The following FBXO34 variants were observed in gnomAD, a reference collection of about 807,000 sequenced individuals.
FBXO34 encodes the protein F-box only protein 34.
A neutral mutation model predicts 24.5 loss-of-function variants in FBXO34; 12 were observed. That is an observed-to-expected ratio of 0.49 (90% CI 0.31 to 0.79). The LOEUF is 0.79. FBXO34 is among the 30% of genes least tolerant of loss of function. The pLI is 0.04. For synonymous variants in FBXO34, 320 were observed against 311.9 expected, an observed-to-expected ratio of 1.03 and a Z score of -0.27; for missense variants, 823 against 857.7, an observed-to-expected ratio of 0.96 and a Z score of 0.51.
At chr14:55,420,821 T>A in the FBXO34 span, among the ~76,000 whole-genome samples, 8 of 151,882 alleles carry the variant, frequency 5.3e-5, no homozygotes, top group East Asian at 1.2e-3. Context: ...GCACTTTGGG[T>A]GGCCGAGGCG....
chr14:55,336,627 A>C (rs1883784471), intron 1 of FBXO34, among the ~76,000 whole-genome samples: 1 of 152,180 alleles, frequency 6.6e-6, no homozygotes, highest in Non-Finnish European at 1.5e-5. Context: ...CCACTTAGCC[A>C]TCATGCAGCT....
At chr14:55,400,131 C>T in the FBXO34 span, among the ~76,000 whole-genome samples, 5 of 152,166 alleles carry the variant, frequency 3.3e-5, no homozygotes, top group Non-Finnish European at 5.9e-5. Flanking sequence ...AAACCACATG[C>T]GTGGGTCAGG....
the FBXO34 span, among the ~76,000 whole-genome samples, chr14:55,403,152 G>C: frequency 6.6e-6 from 1 of 151,132 alleles, no homozygotes; most frequent in Non-Finnish European, 1.5e-5. Context: ...GTGTTGTTTA[G>C]TTTCCTCATT....
intron 1 of FBXO34, among the ~76,000 whole-genome samples, chr14:55,348,879 AGGCTGCCATAT>A (rs1884246080): frequency 6.6e-6 from 1 of 151,414 alleles, no homozygotes; most frequent in African/African-American, 2.4e-5. Context: ...GTTACCACAG[AGGCTGCCATAT>A]GGCAGGTACC....
the FBXO34 span, chr14:55,385,885 T>C: frequency 1.9e-6 from 3 of 1,612,132 alleles, no homozygotes; most frequent in Non-Finnish European, 2.5e-6. Context: ...CTTCCTCGAT[T>C]GGAAAAATGA....
chr14:55,352,525 A>G lies in FBXO34; in HGVS notation c.2135A>G (p.Ter712=), dbSNP rs1420403525. ...AKGTEAEEEY[*] ...GGGACTGAAGCTGAAGAGGAATACTAAAGTCCATGTGAGAGGCAACAAAAG... is the reference window on the plus strand; with the variant it reads ...GGGACTGAAGCTGAAGAGGAATACTGAAGTCCATGTGAGAGGCAACAAAAG... Residue 712 remains the stop codon, a stop_retained_variant, in exon 2 of 2, where the codon TAA becomes TGA. Coordinates refer to ENST00000313833, the MANE Select transcript of FBXO34 (RefSeq NM_017943.4). The G allele has an allele frequency of 1.9e-6, 3 of 1,596,178 alleles. No homozygotes were observed. Among genetic ancestry groups the G allele is most frequent in the Admixed American group, 1.7e-5 (1 of 57,836 alleles).
intron 1 of FBXO34, among the ~76,000 whole-genome samples, chr14:55,335,014 CA>C (rs1404048044): frequency 6.6e-6 from 1 of 152,142 alleles, no homozygotes; most frequent in Non-Finnish European, 1.5e-5. Flanking sequence ...CTTGCCTTTT[CA>C]AACTGGGTTT....
At chr14:55,386,729 A>G in the FBXO34 span, among the ~76,000 whole-genome samples, 242 of 152,292 alleles carry the variant, frequency 1.6e-3, no homozygotes, top group African/African-American at 5.5e-3. Flanking sequence ...GAGGAGACAT[A>G]CACTCGTCCT....
the FBXO34 span, chr14:55,433,737 A>G: frequency 6.2e-7 from 1 of 1,611,734 alleles, no homozygotes; most frequent in East Asian, 2.2e-5. Flanking sequence ...CCCAGAAACC[A>G]AAAGAGAATT....
chr14:55,343,212 T>C (rs1263788458), intron 1 of FBXO34, among the ~76,000 whole-genome samples: 1 of 151,826 alleles, frequency 6.6e-6, no homozygotes, highest in Non-Finnish European at 1.5e-5. Context: ...GAAGGGGCCT[T>C]TGTATACTAT....
chr14:55,357,929 T>C (rs762031940), downstream of FBXO34, among the ~76,000 whole-genome samples: 1 of 152,232 alleles, frequency 6.6e-6, no homozygotes, highest in Non-Finnish European at 1.5e-5. Flanking sequence ...ATTGTATCTG[T>C]TCCCTCTCCA....
chr14:55,302,785 T>C (rs1252788894), intron 1 of FBXO34, among the ~76,000 whole-genome samples: 1 of 152,188 alleles, frequency 6.6e-6, no homozygotes, highest in Non-Finnish European at 1.5e-5. Flanking sequence ...TAGAGAAGAA[T>C]TGGTTAAAGA....
At chr14:55,316,702 G>A (rs1213683773) in intron 1 of FBXO34, among the ~76,000 whole-genome samples, 3 of 150,262 alleles carry the variant, frequency 2.0e-5, no homozygotes, top group African/African-American at 7.4e-5. Flanking sequence ...ACTACAGCCT[G>A]GGCAACAGAG....
the FBXO34 span, among the ~76,000 whole-genome samples, chr14:55,393,397 A>G: frequency 5.3e-5 from 8 of 151,462 alleles, no homozygotes; most frequent in African/African-American, 1.9e-4. Flanking sequence ...AAAAAAGAGG[A>G]AAAAAAAAGA....
At chr14:55,360,770 G>A (rs1173065295) in intron 3 of FBXO34, among the ~76,000 whole-genome samples, 2 of 152,076 alleles carry the variant, frequency 1.3e-5, no homozygotes, top group Non-Finnish European at 2.9e-5. Flanking sequence ...GGCCTAGGCG[G>A]GCGGATCACC....
In FBXO34 at chr14:55,352,504, C is replaced by G; in HGVS notation, c.2114C>G (p.Thr705Ser). The G allele has an allele frequency of 6.2e-7, 1 of 1,607,294 alleles. No individual in the cohort carries two copies. The highest frequency in any genetic ancestry group is 8.5e-7 in the Non-Finnish European group (1 of 1,176,994). Residue 705 changes from threonine (T) to serine (S), a missense_variant, in exon 2 of 2, where the codon ACT becomes AGT. By Grantham distance (58) the Thr-to-Ser change is moderately conservative. This residue lies in a region of FBXO34 where 130 missense variants were observed against 198.6 expected (regional missense o/e 0.65). Transcript: ENST00000313833. ...NRAIHKKAKGTEAEEEY is the reference protein window; with the variant it reads ...NRAIHKKAKGSEAEEEY ...GCAATCCATAAGAAAGCAAAAGGGA[C>G]TGAAGCTGAAGAGGAATACTAAAGT...
intron 1 of FBXO34, among the ~76,000 whole-genome samples, chr14:55,348,407 T>A (rs1486993820): frequency 2.6e-5 from 4 of 151,954 alleles, no homozygotes; most frequent in Non-Finnish European, 4.4e-5. Context: ...TAAAAAAAAA[T>A]TTTTTTTAGA....
the FBXO34 span, among the ~76,000 whole-genome samples, chr14:55,416,165 C>T: frequency 3.6e-3 from 541 of 152,168 alleles, 7 homozygotes; most frequent in African/African-American, 0.012. Flanking sequence ...TAGGTAGAGC[C>T]GGTGGTATAT....
chr14:55,362,339 C>T (rs777338948), downstream of FBXO34, among the ~76,000 whole-genome samples: 1 of 152,134 alleles, frequency 6.6e-6, no homozygotes, highest in Non-Finnish European at 1.5e-5. Flanking sequence ...GATCACTGAT[C>T]ACCATAACAG....
Sources: gnomAD v4.1 joint callset for allele counts (sites outside exome capture counted in the v4.1 genomes callset) on GRCh38, gnomAD v4.1.1 for gene constraint, gnomAD v4.1.1 regional missense constraint, MANE v1.5 for transcripts, NCBI Gene and HGNC (gene_info 2026-07-23, HGNC 2026-07-21) for gene names.